CFAP299: variants seen among roughly 807,000 people sequenced by gnomAD.
The protein encoded by CFAP299 is cilia- and flagella-associated protein 299.
CFAP299 carries 21 observed loss-of-function variants against 27.0 expected under a neutral mutation model. The observed-to-expected ratio is 0.78, with a 90% CI of 0.55 to 1.12. The LOEUF (loss-of-function observed/expected upper bound fraction) is 1.12, where lower values mean the gene tolerates loss of function less well. Among genes scored for constraint, CFAP299 ranks in the 50% most tolerant of loss-of-function variants. The probability of loss-of-function intolerance (pLI) is 0.00; values close to 1 mark genes in which losing one functional copy is unlikely to be tolerated. For missense variants in CFAP299, 310 were observed against 276.6 expected, an observed-to-expected ratio of 1.12 and a Z score of -0.86; for synonymous variants, 104 against 98.1, an observed-to-expected ratio of 1.06 and a Z score of -0.36.
intron 3 of CFAP299, among the ~76,000 whole-genome samples, chr4:80,747,403 C>T (rs1724685341): frequency 6.6e-6 from 1 of 152,010 alleles, no homozygotes. Flanking sequence ...TCATTATAAT[C>T]TTGCAAGACC....
rs889836684 is a variant in CFAP299, at chr4:80,766,979, GTAATA to G, written c.334-103008_334-103004del. Among the ~76,000 whole-genome samples, 65 of 152,116 alleles carry G rather than the reference GTAATA, an allele frequency of 4.3e-4. 2 individuals carry two copies. Among genetic ancestry groups the G allele is most frequent in the Admixed American group, 2.6e-4 (4 of 15,278 alleles). On this transcript the variant is annotated intron_variant, in intron 3 of 5. Transcript: ENST00000358105. ...TATGTTTCATTTCTCTAAGCCCAGG[GTAATA>G]TAATAAGGTCAAGGCAGCAGTCCCC...
At chr4:80,671,850 C>G (rs1168790820) in intron 3 of CFAP299, among the ~76,000 whole-genome samples, 1 of 152,124 alleles carries the variant, frequency 6.6e-6, no homozygotes. Flanking sequence ...GATTTTGTAT[C>G]CTGAGACTTT....
intron 3 of CFAP299, among the ~76,000 whole-genome samples, chr4:80,796,809 A>G (rs79437757): frequency 1.4e-3 from 214 of 152,092 alleles, no homozygotes; most frequent in African/African-American, 4.8e-3. Flanking sequence ...TTGATTTACT[A>G]TTTTTCTAGC....
chr4:80,390,508 TAC>T (rs762158175), intron 2 of CFAP299, among the ~76,000 whole-genome samples: 68,018 of 140,594 alleles, frequency 0.48, 26,584 homozygotes, highest in Non-Finnish European at 0.63. Flanking sequence ...TATGTATATA[TAC>T]ACACATATAT....
intron 2 of CFAP299, among the ~76,000 whole-genome samples, chr4:80,544,643 C>T (rs1362873010): frequency 6.6e-6 from 1 of 152,064 alleles, no homozygotes; most frequent in Non-Finnish European, 1.5e-5. Flanking sequence ...TAATAAGGGG[C>T]TCAATCCAAC....
the CFAP299 span, among the ~76,000 whole-genome samples, chr4:80,328,747 C>T: frequency 6.6e-6 from 1 of 152,118 alleles, no homozygotes; most frequent in Non-Finnish European, 1.5e-5. Context: ...TTCCTCTCTT[C>T]TGAGTGATTT....
At chr4:80,930,941 T>C (rs1312889172) in intron 4 of CFAP299, among the ~76,000 whole-genome samples, 1 of 152,110 alleles carries the variant, frequency 6.6e-6, no homozygotes, top group Non-Finnish European at 1.5e-5. Flanking sequence ...TCCCTCAGTC[T>C]GGACAAGGTT....
At chr4:80,950,296 G>A (rs536219356) in intron 5 of CFAP299, among the ~76,000 whole-genome samples, 80 of 150,398 alleles carry the variant, frequency 5.3e-4, no homozygotes, top group African/African-American at 1.9e-3. Flanking sequence ...CAACTGTTGA[G>A]AACTATGAAG....
At chr4:80,755,853 C>T (rs760893808) in intron 3 of CFAP299, among the ~76,000 whole-genome samples, 10 of 152,088 alleles carry the variant, frequency 6.6e-5, no homozygotes, top group Non-Finnish European at 1.2e-4. Context: ...GAACAAAATG[C>T]TGGTCTCAGT....
In CFAP299 at chr4:80,791,883, A is replaced by G. The variant is rs1727592096; in HGVS notation, c.334-78110A>G. Among the ~76,000 whole-genome samples the G allele has an allele frequency of 1.3e-5, 2 of 151,854 alleles. 1 individual carries two copies. The highest frequency in any genetic ancestry group is 2.9e-5 in the Non-Finnish European group (2 of 67,924). ...ATATATATCTGTATGTTTGAAATGA[A>G]TGAAATCTTAGCTATTCACATGTGT... On this transcript the variant is annotated intron_variant, in intron 3 of 5. Coordinates refer to ENST00000358105, the MANE Select transcript of CFAP299 (RefSeq NM_152770.3).
intron 3 of CFAP299, among the ~76,000 whole-genome samples, chr4:80,714,708 T>C (rs926178030): frequency 1.1e-4 from 16 of 152,068 alleles, no homozygotes; most frequent in Non-Finnish European, 2.1e-4. Context: ...CATACCTTGC[T>C]ACGTGCTCTT....
At chr4:80,707,385 C>A (rs1721882878) in intron 3 of CFAP299, among the ~76,000 whole-genome samples, 1 of 151,912 alleles carries the variant, frequency 6.6e-6, no homozygotes, top group Admixed American at 6.6e-5. Context: ...TATTAAAATG[C>A]AGCCATGCTC....
intron 3 of CFAP299, among the ~76,000 whole-genome samples, chr4:80,650,881 CG>C (rs1740243257): frequency 6.6e-6 from 1 of 151,756 alleles, no homozygotes; most frequent in Admixed American, 6.6e-5. Flanking sequence ...GAAGGGGGTG[CG>C]GGATATAAGA....
At chr4:80,773,578 G>A (rs549348423) in intron 3 of CFAP299, among the ~76,000 whole-genome samples, 2 of 151,936 alleles carry the variant, frequency 1.3e-5, no homozygotes, top group Non-Finnish European at 2.9e-5. Flanking sequence ...TTTCCATAGT[G>A]GGTAATTTTC....
At chr4:80,839,373 G>T (rs1730740831) in intron 3 of CFAP299, among the ~76,000 whole-genome samples, 1 of 152,076 alleles carries the variant, frequency 6.6e-6, no homozygotes, top group Non-Finnish European at 1.5e-5. Context: ...CCTACATGGG[G>T]AAGGAAATAC....
chr4:80,327,690 TTATATATATA>T, the CFAP299 span, among the ~76,000 whole-genome samples: 11 of 51,240 alleles, frequency 2.1e-4, no homozygotes, highest in African/African-American at 5.5e-4. Context: ...TAGAGAGAAG[TTATATATATA>T]TATATATATA....
intron 3 of CFAP299, among the ~76,000 whole-genome samples, chr4:80,602,934 G>T (rs1454238168): frequency 6.6e-6 from 1 of 152,134 alleles, no homozygotes; most frequent in Non-Finnish European, 1.5e-5. Flanking sequence ...GTGCTCTATT[G>T]TTTCTCTGCT....
intron 4 of CFAP299, among the ~76,000 whole-genome samples, chr4:80,932,397 T>C (rs538279709): frequency 3.3e-5 from 5 of 152,284 alleles, no homozygotes; most frequent in African/African-American, 9.6e-5. Context: ...CACTGAACTT[T>C]AGATTTCATA....
At chr4:80,507,171 A>C (rs1417862887) in intron 2 of CFAP299, among the ~76,000 whole-genome samples, 6 of 152,120 alleles carry the variant, frequency 3.9e-5, no homozygotes, top group Non-Finnish European at 8.8e-5. Context: ...TATAGTAAGC[A>C]TGTAAGAGAT....
Sources: allele counts gnomAD v4.1 joint callset (sites outside exome capture counted in the v4.1 genomes callset), GRCh38; gene constraint gnomAD v4.1.1; transcripts MANE v1.5; gene names NCBI Gene and HGNC (gene_info 2026-07-23, HGNC 2026-07-21).